PM20D1: variants seen among roughly 807,000 people sequenced by gnomAD.
The protein encoded by PM20D1 is peptidase M20 domain containing 1, also known as N-fatty-acyl-amino acid synthase/hydrolase PM20D1.
PM20D1 carries 53 observed loss-of-function variants against 53.8 expected under a neutral mutation model. That is an observed-to-expected ratio of 0.98 (90% CI 0.79 to 1.24). The LOEUF is 1.24. Ranked by LOEUF, PM20D1 falls within the 50% of genes most tolerant of loss-of-function variation. PM20D1 has a pLI of 0.00. For missense variants in PM20D1, 564 were observed against 616.8 expected, an observed-to-expected ratio of 0.91 and a Z score of 0.91; for synonymous variants, 239 against 241.3, an observed-to-expected ratio of 0.99 and a Z score of 0.09.
Position 205,847,900 on chromosome 1 carries a change from T to C in PM20D1, c.241A>G (p.Lys81Glu), listed in dbSNP as rs1657027369. The C allele has an allele frequency of 6.3e-7, 1 of 1,590,296 alleles. No homozygotes were observed. Among genetic ancestry groups the C allele is most frequent in the African/African-American group, 1.3e-5 (1 of 74,320 alleles). The change falls in exon 2 of 13, where the codon AAA becomes GAA. Residue 81 changes from lysine to glutamate, a missense_variant. Physicochemically the swap from Lys to Glu is moderately conservative, Grantham distance 56 (BLOSUM62 1). Transcript: ENST00000367136. ...SNTTALAEFGKYIHKVFPTVV... is the reference protein window; with the variant it reads ...SNTTALAEFGEYIHKVFPTVV... ...TGCAGCTGACCTTTATGAATGTATT[T>C]TCCGAACTCAGCCAGGGCTGTAGTA...
At chr1:205,844,543 G>A (rs1656897750) in intron 4 of PM20D1, among the ~76,000 whole-genome samples, 1 of 151,842 alleles carries the variant, frequency 6.6e-6, no homozygotes, top group Non-Finnish European at 1.5e-5. Context: ...TCACACGTAT[G>A]TTTCTTAGGG....
chr1:205,844,571 C>G (rs1406550268), intron 4 of PM20D1, among the ~76,000 whole-genome samples: 1 of 152,236 alleles, frequency 6.6e-6, no homozygotes. Flanking sequence ...GATGGACCCA[C>G]TGCCTGCCTC....
intron 10 of PM20D1, among the ~76,000 whole-genome samples, chr1:205,834,286 G>C (rs1656634244): frequency 6.6e-6 from 1 of 151,928 alleles, no homozygotes; most frequent in Non-Finnish European, 1.5e-5. Flanking sequence ...CTCCCAAGTA[G>C]CTGGGACTAC....
intron 1 of PM20D1, 31 bp downstream of exon 1, chr1:205,849,873 G>A (rs367656542): frequency 1.7e-4 from 269 of 1,594,096 alleles, no homozygotes; most frequent in Non-Finnish European, 2.2e-4. Flanking sequence ...CCACATATGA[G>A]CATAGGTGGG....
At chr1:205,844,633 G>T (rs1656901461) in intron 4 of PM20D1, among the ~76,000 whole-genome samples, 178 bp downstream of exon 4, 3 of 152,210 alleles carry the variant, frequency 2.0e-5, no homozygotes, top group South Asian at 2.1e-4. Context: ...ACAGGGCCCA[G>T]GAATCTGAAT....
chr1:205,839,910 CAAAAAAAAAAAAAAA>C (rs567749262), intron 10 of PM20D1, among the ~76,000 whole-genome samples: 7 of 58,084 alleles, frequency 1.2e-4, no homozygotes, highest in Non-Finnish European at 1.7e-4. Flanking sequence ...GACTCTGACT[CAAAAAAAAAAAAAAA>C]AAAAAAAAAA....
At chr1:205,838,962 C>T (rs1256399131) in intron 10 of PM20D1, among the ~76,000 whole-genome samples, 1 of 152,190 alleles carries the variant, frequency 6.6e-6, no homozygotes, top group Non-Finnish European at 1.5e-5. Context: ...ACATGCACTA[C>T]CTAAGATGCT....
At chr1:205,833,882 C>T (rs1656621448) in intron 10 of PM20D1, among the ~76,000 whole-genome samples, 1 of 151,620 alleles carries the variant, frequency 6.6e-6, no homozygotes, top group Non-Finnish European at 1.5e-5. Flanking sequence ...GAATCTCACT[C>T]TGTCGCCCAG....
intron 2 of PM20D1, 66 bp from the exon 3 acceptor site, chr1:205,845,623 T>C (rs1656937028): frequency 1.5e-6 from 2 of 1,355,736 alleles, no homozygotes; most frequent in African/African-American, 1.5e-5. Flanking sequence ...TCCTACCAAG[T>C]TGTGCTTCCT....
Position 205,842,657 on chromosome 1 carries a change from G to T in PM20D1, c.903+19C>A. The T allele has an allele frequency of 1.2e-6, 2 of 1,612,040 alleles. No individual in the cohort carries two copies. The highest frequency in any genetic ancestry group is 8.5e-7 in the Non-Finnish European group (1 of 1,178,320). On this transcript the variant is annotated intron_variant, in intron 7 of 12. Transcript: ENST00000367136. The stretch of plus-strand genomic sequence containing the variant: ...TTTGTTCCTAGCTGATTAGGAGTAT[G>T]TGATACTTCTTCCCATACCTCATTT...
At chr1:205,845,234 C>T (rs1244718070) in intron 3 of PM20D1, 91 bp downstream of exon 3, 4 of 1,294,476 alleles carry the variant, frequency 3.1e-6, no homozygotes, top group Non-Finnish European at 4.4e-6. Context: ...ATTCTTTTTA[C>T]CATTATCTCC....
At chr1:205,842,639 C>A in intron 7 of PM20D1, 37 bp downstream of exon 7, 1 of 1,600,272 alleles carries the variant, frequency 6.2e-7, no homozygotes, top group South Asian at 1.1e-5. Context: ...TCTTTTGTTC[C>A]TAGCTGATTA....
At chr1:205,834,918 T>C (rs1028365121) in intron 10 of PM20D1, among the ~76,000 whole-genome samples, 3 of 152,194 alleles carry the variant, frequency 2.0e-5, no homozygotes, top group African/African-American at 7.2e-5. Context: ...GCATTTCCAG[T>C]AGCAAGCACA....
chr1:205,833,427 CCT>C (rs937500786), intron 10 of PM20D1, among the ~76,000 whole-genome samples: 3 of 152,180 alleles, frequency 2.0e-5, no homozygotes, highest in Non-Finnish European at 2.9e-5. Flanking sequence ...CTTTTTTCCC[CCT>C]CTCTGGGCAT....
In PM20D1 at chr1:205,849,978, T is replaced by A. The variant is rs1422550042; in HGVS notation, c.95A>T (p.Glu32Val). 1 of 1,613,866 alleles carries A rather than the reference T, an allele frequency of 6.2e-7. No homozygotes were observed. The highest frequency in any genetic ancestry group is 8.5e-7 in the Non-Finnish European group (1 of 1,179,988). ...VSRSMGPRSG[E>V]HQRASRIPSQ... ...AGGGATTCGCGACGCCCTTTGATGC[T>A]CCCCGCTCCTCGGGCCCATCGATCT... The change falls in exon 1 of 13, where the codon GAG becomes GTG. Residue 32 changes from glutamate to valine, a missense_variant. Coordinates refer to ENST00000367136, the MANE Select transcript of PM20D1 (RefSeq NM_152491.5).
At position 205,830,352 on chromosome 1, in the gene PM20D1, CG is replaced by C; in HGVS notation, c.1312del (p.Arg438AspfsTer42). The C allele has an allele frequency of 6.2e-7, 1 of 1,612,354 alleles. No homozygotes were observed. Among genetic ancestry groups the C allele is most frequent in the South Asian group, 1.1e-5 (1 of 91,000 alleles). ...PVTSIGNTDSRFFTNLTTGIY... is the reference protein window; with the variant it reads ...PVTSIGNTDSXFFTNLTTGIY... ...GCCAGTGGTGAGGTTTGTAAAGAAT[CG>C]GCTGTCTGTGTTGCCAATAGAAGTA... On this transcript the variant is annotated frameshift_variant, in exon 12 of 13. Transcript: ENST00000367136. LOFTEE classifies it high-confidence loss of function.
In PM20D1 at chr1:205,843,658, G is replaced by A; in HGVS notation, c.827+9C>T. The A allele has an allele frequency of 6.2e-7, 1 of 1,612,758 alleles. No individual in the cohort carries two copies. The highest frequency in any genetic ancestry group is 8.5e-7 in the Non-Finnish European group (1 of 1,179,530). On this transcript the variant is annotated intron_variant, in intron 6 of 12. Coordinates refer to ENST00000367136, the MANE Select transcript of PM20D1 (RefSeq NM_152491.5). ...GTCTGGCATGGGAACAGGGCCAGGA[G>A]TTGCTTACCGGCTGACAGCAGCTGC...
intron 9 of PM20D1, among the ~76,000 whole-genome samples, chr1:205,841,026 C>G (rs1656793442): frequency 6.6e-6 from 1 of 152,146 alleles, no homozygotes; most frequent in Admixed American, 6.5e-5. Context: ...GAGCTGGTTC[C>G]CTCTTATCCT....
At chr1:205,842,300 C>G in intron 7 of PM20D1, 85 bp from the exon 8 acceptor site, 2 of 1,265,056 alleles carry the variant, frequency 1.6e-6, no homozygotes, top group Non-Finnish European at 2.3e-6. Context: ...TACTTTAGAG[C>G]TGCCTCAGGG....
Sources: allele counts gnomAD v4.1 joint callset (sites outside exome capture counted in the v4.1 genomes callset), GRCh38; gene constraint gnomAD v4.1.1; transcripts MANE v1.5; gene names NCBI Gene and HGNC (gene_info 2026-07-23, HGNC 2026-07-21).